SGK1: variants seen among roughly 807,000 people sequenced by gnomAD.
SGK1 encodes serum/glucocorticoid regulated kinase 1.
In SGK1, 26 loss-of-function variants were observed where a neutral mutation model predicts 64.2. The ratio of observed to expected loss-of-function variants is 0.40; its 90% CI spans 0.30 to 0.56. The LOEUF (loss-of-function observed/expected upper bound fraction) is 0.56. Ranked by LOEUF, SGK1 falls within the 20% of genes least tolerant of loss-of-function variation. SGK1 has a pLI of 0.38. For missense variants in SGK1, 519 were observed against 645.6 expected (o/e 0.80, Z 2.12); for synonymous variants, 265 against 239.7 (o/e 1.11, Z -0.98).
At chr6:134,261,613 G>A in intron 2 of SGK1, 1 of 574,732 alleles carries the variant, frequency 1.7e-6, no homozygotes, top group Non-Finnish European at 3.1e-6. Flanking sequence ...ATAACACCAA[G>A]AGTGAACTCT....
intron 2 of SGK1, among the ~76,000 whole-genome samples, chr6:134,238,591 T>C (rs1776397874): frequency 6.6e-6 from 1 of 152,204 alleles, no homozygotes; most frequent in South Asian, 2.1e-4. Flanking sequence ...TGTTTTTTTT[T>C]TTAATTCTCT....
At chr6:134,190,132 G>T (rs1239608269) in intron 3 of SGK1, among the ~76,000 whole-genome samples, 2 of 152,178 alleles carry the variant, frequency 1.3e-5, no homozygotes, top group African/African-American at 4.8e-5. Context: ...TTACAGGCGT[G>T]AGCCACTGCA....
intron 2 of SGK1, among the ~76,000 whole-genome samples, chr6:134,227,833 G>A (rs1268213073): frequency 6.6e-6 from 1 of 151,428 alleles, no homozygotes. Context: ...TATAGTAAAT[G>A]AGTAATAAAT....
intron 2 of SGK1, among the ~76,000 whole-genome samples, chr6:134,245,993 A>G (rs1776518870): frequency 6.6e-6 from 1 of 152,200 alleles, no homozygotes; most frequent in Non-Finnish European, 1.5e-5. Context: ...TTTTTGCTGA[A>G]CAAAAATATT....
intron 3 of SGK1, among the ~76,000 whole-genome samples, chr6:134,177,096 C>T (rs1024964528): frequency 6.6e-6 from 1 of 152,172 alleles, no homozygotes; most frequent in African/African-American, 2.4e-5. Context: ...CGCCTGTAGT[C>T]CCAGTTACTC....
At chr6:134,304,241 A>G (rs1045681699) in intron 1 of SGK1, among the ~76,000 whole-genome samples, 7 of 152,260 alleles carry the variant, frequency 4.6e-5, no homozygotes, top group African/African-American at 1.7e-4. Flanking sequence ...AGTGACACTG[A>G]ATTCCTAATC....
In SGK1 at chr6:134,239,604, G is replaced by A. The variant is rs116787459; in HGVS notation, c.285+22329C>T. On this transcript the variant is annotated intron_variant, in intron 2 of 13. Coordinates refer to ENST00000367858, the MANE Select transcript of SGK1 (RefSeq NM_001143676.3). The stretch of plus-strand genomic sequence containing the variant: ...AGCTTGTGATTTTACAGAAAATACT[G>A]TAGCGCCAAAAGAATGGATGACCAA... Among the ~76,000 whole-genome samples, 315 of 152,172 alleles carry A rather than the reference G, an allele frequency of 2.1e-3. 1 individual carries two copies. Among genetic ancestry groups the A allele is most frequent in the African/African-American group, 6.9e-3 (286 of 41,514 alleles).
At position 134,170,185 on chromosome 6, in the gene SGK1, G is replaced by T; in HGVS notation, c.*83C>A. 8.4e-7 allele frequency: 1 copy of T among 1,191,300 alleles called. No homozygotes were observed. Among genetic ancestry groups the T allele is most frequent in the Non-Finnish European group, 1.2e-6 (1 of 837,484 alleles). The allele number at this position is 1,191,300 out of a possible 1,614,324, so 73.8% of individuals were successfully genotyped here. ...TGCAAATTCTCTTGTAAGATGTCCT[G>T]TCAGCTGGCGGCTCCACCAAAAGGC... On this transcript the variant is annotated 3_prime_UTR_variant, in exon 14 of 14. Coordinates refer to ENST00000367858, the MANE Select transcript of SGK1 (RefSeq NM_001143676.3).
chr6:134,220,909 G>T (rs1358895840), intron 2 of SGK1, among the ~76,000 whole-genome samples: 1 of 151,612 alleles, frequency 6.6e-6, no homozygotes. Context: ...TTGAACCCGG[G>T]AGGCAGAGGT....
chr6:134,204,071 G>GA (rs771749391), intron 3 of SGK1, among the ~76,000 whole-genome samples: 1,829 of 108,604 alleles, frequency 0.017, 38 homozygotes, highest in African/African-American at 0.054. Context: ...CTCCACCTCA[G>GA]AAAAAAAAAA....
intron 2 of SGK1, among the ~76,000 whole-genome samples, chr6:134,229,536 A>C (rs923462206): frequency 1.3e-5 from 2 of 152,228 alleles, no homozygotes; most frequent in African/African-American, 4.8e-5. Context: ...AAATGAATGA[A>C]TATATTTTCT....
intron 1 of SGK1, among the ~76,000 whole-genome samples, chr6:134,315,314 G>A (rs1194039334): frequency 6.6e-6 from 1 of 152,176 alleles, no homozygotes; most frequent in Non-Finnish European, 1.5e-5. Context: ...GCAGGGGCAG[G>A]AGAGATGTCT....
chr6:134,301,823 C>T (rs939580040), intron 1 of SGK1, among the ~76,000 whole-genome samples: 1 of 152,110 alleles, frequency 6.6e-6, no homozygotes, highest in East Asian at 1.9e-4. Context: ...TCTTGAACTC[C>T]TGGGCTCAAG....
At position 134,173,133 on chromosome 6, in the gene SGK1, G is replaced by A. The variant is rs752251897; in HGVS notation, c.724C>T (p.Arg242Trp). 3.1e-6 allele frequency: 5 copies of A among 1,613,598 alleles called. No homozygotes were observed. The highest frequency in any genetic ancestry group is 1.7e-5 in the Admixed American group (1 of 59,930). Residue 242 changes from arginine to tryptophan, a missense_variant, in exon 8 of 14, where the codon CGG becomes TGG. By Grantham distance (101) the Arg-to-Trp change is moderately radical. This residue lies in a region of SGK1 where 278 missense variants were observed against 408.7 expected (regional missense o/e 0.68). Transcript: ENST00000367858. ...KKEEKHIMSERNVLLKNVKHP... is the reference protein window; with the variant it reads ...KKEEKHIMSEWNVLLKNVKHP... ...TTCACATTCTTCAACAGAACATTCC[G>A]CTCCGACATAATATGCTTCTCCTAG...
rs1040302469 is a variant in SGK1 at position 134,171,446 on chromosome 6, G to A, written c.1167+191C>T. The A allele has an allele frequency of 2.4e-4, 149 of 612,742 alleles. No homozygotes were observed. The East Asian group carries it at 4.0e-3, about 16-fold the overall frequency. The allele number at this position is 612,742 out of a possible 1,614,324, so 38.0% of individuals were successfully genotyped here. A position where few individuals can be genotyped will look rare whatever the true frequency, so the allele number is the denominator to read the frequency against. ...CACAGGTTCAATGTGGTCCTATCTAGTAAAATGTGAAATGCACAAAAGAAC... is the reference window on the plus strand; with the variant it reads ...CACAGGTTCAATGTGGTCCTATCTAATAAAATGTGAAATGCACAAAAGAAC... On this transcript the variant is annotated intron_variant, in intron 11 of 13. Transcript: ENST00000367858.
intron 2 of SGK1, among the ~76,000 whole-genome samples, chr6:134,220,076 A>G (rs1032400085): frequency 1.4e-5 from 2 of 144,840 alleles, no homozygotes; most frequent in African/African-American, 5.0e-5. Flanking sequence ...AAAAAAAAAA[A>G]AAAAAAAAAA....
intron 1 of SGK1, among the ~76,000 whole-genome samples, chr6:134,312,593 C>T (rs1243926626): frequency 2.0e-5 from 3 of 152,192 alleles, no homozygotes; most frequent in South Asian, 2.1e-4. Flanking sequence ...GACAGGCATT[C>T]GGGATGTATA....
intron 3 of SGK1, among the ~76,000 whole-genome samples, chr6:134,188,927 T>TG (rs2114662534): frequency 6.7e-6 from 1 of 149,102 alleles, no homozygotes; most frequent in South Asian, 2.1e-4. Flanking sequence ...TTTTTTTTTT[T>TG]TTGAGACAGG....
chr6:134,271,353 A>G (rs1582755389), intron 1 of SGK1, among the ~76,000 whole-genome samples: 2 of 131,166 alleles, frequency 1.5e-5, no homozygotes, highest in South Asian at 4.9e-4. Flanking sequence ...TTTCGTTTGA[A>G]TTTGTCTTTC....
Sources: gnomAD v4.1 joint callset for allele counts (sites outside exome capture counted in the v4.1 genomes callset) on GRCh38, gnomAD v4.1.1 for gene constraint, gnomAD v4.1.1 regional missense constraint, MANE v1.5 for transcripts, NCBI Gene and HGNC (gene_info 2026-07-23, HGNC 2026-07-21) for gene names.